The following MDGA2 variants were observed in gnomAD, a reference collection of about 807,000 sequenced individuals.
The protein encoded by MDGA2 is MAM domain containing glycosylphosphatidylinositol anchor 2, also known as MAM domain-containing glycosylphosphatidylinositol anchor protein 2.
In MDGA2, 40 loss-of-function variants were observed where a neutral mutation model predicts 117.8. That is an observed-to-expected ratio of 0.34 (90% CI 0.26 to 0.44). MDGA2 has a LOEUF of 0.44. MDGA2 is among the 20% of genes least tolerant of loss of function. The pLI is 1.00. For synonymous variants in MDGA2, 452 were observed against 439.0 expected, an observed-to-expected ratio of 1.03 and a Z score of -0.37; for missense variants, 1,123 against 1,250.6, an observed-to-expected ratio of 0.90 and a Z score of 1.54.
At chr14:47,217,647 A>G (rs1216420509) in intron 3 of MDGA2, among the ~76,000 whole-genome samples, 1 of 152,042 alleles carries the variant, frequency 6.6e-6, no homozygotes, top group Non-Finnish European at 1.5e-5. Context: ...AAAAAAAATA[A>G]ACATAAGTTA....
chr14:46,956,483 T>C (rs1219559069), intron 9 of MDGA2, among the ~76,000 whole-genome samples: 4 of 152,108 alleles, frequency 2.6e-5, no homozygotes, highest in African/African-American at 9.7e-5. Flanking sequence ...CTGCTTTTTC[T>C]TGGAATATTT....
At chr14:47,174,751 G>A (rs1437094885) in intron 3 of MDGA2, among the ~76,000 whole-genome samples, 1 of 152,024 alleles carries the variant, frequency 6.6e-6, no homozygotes, top group Non-Finnish European at 1.5e-5. Context: ...AGAAAAGCAA[G>A]AGCAAACACA....
At chr14:47,476,074 C>T (rs1893829928) in intron 1 of MDGA2, among the ~76,000 whole-genome samples, 2 of 152,102 alleles carry the variant, frequency 1.3e-5, no homozygotes, top group African/African-American at 4.8e-5. Context: ...ATCAATTTAA[C>T]AAATTTTAAT....
intron 1 of MDGA2, among the ~76,000 whole-genome samples, chr14:47,566,089 G>A (rs115393617): frequency 0.01 from 1,578 of 152,342 alleles, 24 homozygotes; most frequent in African/African-American, 0.036. Flanking sequence ...AGGTTTGCCT[G>A]CACATATGCA....
intron 5 of MDGA2, among the ~76,000 whole-genome samples, chr14:47,101,390 G>A (rs1020558819): frequency 1.3e-5 from 2 of 152,008 alleles, no homozygotes; most frequent in Non-Finnish European, 2.9e-5. Flanking sequence ...AGTTTTCTTG[G>A]ACTGAGCAAC....
intron 6 of MDGA2, among the ~76,000 whole-genome samples, chr14:47,074,093 TTAAA>T (rs1420355974): frequency 5.3e-5 from 8 of 151,802 alleles, no homozygotes; most frequent in East Asian, 3.9e-4. Flanking sequence ...ATGATCATAA[TTAAA>T]TAATTAATGA....
At chr14:47,294,570 T>G (rs952078757) in intron 2 of MDGA2, among the ~76,000 whole-genome samples, 1 of 152,042 alleles carries the variant, frequency 6.6e-6, no homozygotes, top group African/African-American at 2.4e-5. Context: ...AAAAGCAAAT[T>G]ATATTAATTT....
intron 1 of MDGA2, among the ~76,000 whole-genome samples, chr14:47,466,434 G>C (rs747291092): frequency 2.6e-5 from 4 of 152,124 alleles, no homozygotes; most frequent in Admixed American, 1.3e-4. Flanking sequence ...CAGATGGAGA[G>C]AGATAAAATA....
At chr14:47,509,732 G>A (rs1045199677) in intron 1 of MDGA2, among the ~76,000 whole-genome samples, 58 of 152,144 alleles carry the variant, frequency 3.8e-4, no homozygotes, top group Admixed American at 2.5e-3. Flanking sequence ...GATCCATTAC[G>A]TCTTCTTTTC....
chr14:47,339,615 C>T (rs1246364847), intron 1 of MDGA2, among the ~76,000 whole-genome samples: 3 of 152,140 alleles, frequency 2.0e-5, no homozygotes, highest in African/African-American at 7.2e-5. Context: ...CTTCCTCTCT[C>T]ACCATGTAAT....
intron 3 of MDGA2, among the ~76,000 whole-genome samples, chr14:47,210,954 G>T (rs567914413): frequency 6.6e-6 from 1 of 152,208 alleles, no homozygotes; most frequent in East Asian, 1.9e-4. Flanking sequence ...CTGCACTGGA[G>T]CCTAGGTAAC....
At chr14:47,010,978 GTTTTA>G (rs1566573337) in intron 8 of MDGA2, among the ~76,000 whole-genome samples, 1 of 151,926 alleles carries the variant, frequency 6.6e-6, no homozygotes, top group African/African-American at 2.4e-5. Context: ...AGAGAATGGC[GTTTTA>G]TTTTGTTAAC....
At chr14:47,159,449 A>C (rs1883541662) in intron 3 of MDGA2, among the ~76,000 whole-genome samples, 1 of 152,210 alleles carries the variant, frequency 6.6e-6, no homozygotes, top group Non-Finnish European at 1.5e-5. Flanking sequence ...TAATTTAGTC[A>C]ATCATTCCCA....
intron 2 of MDGA2, among the ~76,000 whole-genome samples, chr14:47,287,326 T>C (rs1192960120): frequency 1.3e-5 from 2 of 152,104 alleles, no homozygotes; most frequent in African/African-American, 4.8e-5. Flanking sequence ...ACCACAAATA[T>C]AGTCAGTAGG....
intron 1 of MDGA2, among the ~76,000 whole-genome samples, chr14:47,363,258 T>C (rs1047629080): frequency 6.6e-6 from 1 of 152,144 alleles, no homozygotes; most frequent in Non-Finnish European, 1.5e-5. Context: ...AATTTATTTA[T>C]TTTTATTTTT....
In MDGA2 at chr14:47,455,014, A is replaced by T. The variant is rs538858072; in HGVS notation, c.281-153464T>A. On this transcript the variant is annotated intron_variant, in intron 1 of 16. Coordinates refer to ENST00000399232, the MANE Select transcript of MDGA2 (RefSeq NM_001113498.3). ...GCATTTATATATGTATAATCACTTC[A>T]TTCAACTTTGTTAAATAGTCTAGAA... Among the ~76,000 whole-genome samples the T allele has an allele frequency of 2.0e-5, 3 of 152,344 alleles. No homozygotes were observed. In the South Asian group the frequency reaches 6.2e-4, roughly 32 times the overall value.
chr14:47,305,436 T>G (rs1420482262), intron 1 of MDGA2: 1 of 152,198 alleles, frequency 6.6e-6, no homozygotes, highest in Non-Finnish European at 1.5e-5. Flanking sequence ...CTAACACTAA[T>G]CATATCAACT....
At chr14:47,609,375 T>C (rs1313002467) in intron 1 of MDGA2, among the ~76,000 whole-genome samples, 5 of 136,928 alleles carry the variant, frequency 3.7e-5, no homozygotes, top group Admixed American at 2.3e-4. Flanking sequence ...CTTATCCAGG[T>C]CACTGTAAAT....
chr14:47,088,263 T>A (rs28718734), intron 6 of MDGA2, among the ~76,000 whole-genome samples: 53,115 of 131,922 alleles, frequency 0.4, 9,549 homozygotes, highest in East Asian at 0.54. Flanking sequence ...AAGATAATAA[T>A]GCATTTTTGA....
Sources: allele counts gnomAD v4.1 joint callset (sites outside exome capture counted in the v4.1 genomes callset), GRCh38; gene constraint gnomAD v4.1.1; transcripts MANE v1.5; gene names NCBI Gene and HGNC (gene_info 2026-07-23, HGNC 2026-07-21).